The following ZFPM1 variants were observed in gnomAD, a reference collection of about 807,000 sequenced individuals.
ZFPM1 encodes zinc finger protein, FOG family member 1.
In ZFPM1, 28 loss-of-function variants were observed where a neutral mutation model predicts 46.3. The ratio of observed to expected loss-of-function variants is 0.60; its 90% CI spans 0.45 to 0.83. ZFPM1 has a LOEUF of 0.83. ZFPM1 is among the 40% of genes least tolerant of loss of function. ZFPM1 has a pLI of 0.00. For missense variants in ZFPM1, 1,878 were observed against 1,432.4 expected (o/e 1.31, Z -5.02); for synonymous variants, 957 against 675.9 (o/e 1.42, Z -6.45).
At position 88,534,264 on chromosome 16, in the gene ZFPM1, C is replaced by A; in HGVS notation, c.2306C>A (p.Pro769Gln). 2 of 1,094,872 alleles carry A rather than the reference C, an allele frequency of 1.8e-6. No homozygotes were observed. The highest frequency in any genetic ancestry group is 2.2e-6 in the Non-Finnish European group (2 of 904,228). 67.8% of individuals were successfully genotyped at this position (1,094,872 alleles called of 1,614,324 possible). A position where few individuals can be genotyped will look rare whatever the true frequency, so the allele number is the denominator to read the frequency against. ...PPGHAPAPESPRPGSGSGSGP... is the reference protein window; with the variant it reads ...PPGHAPAPESQRPGSGSGSGP... ...GGCCACGCCCCCGCGCCCGAGTCGC[C>A]GCGGCCCGGAAGCGGAAGCGGAAGC... is the stretch of plus-strand genomic sequence containing the variant. Residue 769 changes from proline to glutamine, a missense_variant, in exon 10 of 10, where the codon CCG becomes CAG. Physicochemically the swap from Pro to Gln is moderately conservative, Grantham distance 76. Transcript: ENST00000319555.
rs1037290516 is a variant in ZFPM1, at chr16:88,480,911, G to A, written c.41-5028G>A. The stretch of plus-strand genomic sequence containing the variant: ...GCGCCTCGCCATCAAAGCCGGGAGG[G>A]GCCACCTTAATCGTCGGTGTGGGGA... On this transcript the variant is annotated intron_variant, in intron 1 of 9. Transcript: ENST00000319555. This position sits in a 1 kb window ranked among gnomAD's most constrained non-coding sequence, Gnocchi z 4.9. Among the ~76,000 whole-genome samples, 5 of 152,244 alleles carry A rather than the reference G, an allele frequency of 3.3e-5. No individual in the cohort carries two copies. Among genetic ancestry groups the A allele is most frequent in the African/African-American group, 1.2e-4 (5 of 41,460 alleles).
chr16:88,457,864 C>T (rs1448422118), intron 1 of ZFPM1, among the ~76,000 whole-genome samples: 1 of 152,128 alleles, frequency 6.6e-6, no homozygotes, highest in African/African-American at 2.4e-5. Context: ...AACCTGGACT[C>T]CAGCAGGGTC....
chr16:88,534,620 C>T lies in ZFPM1; in HGVS notation c.2662C>T (p.Pro888Ser). 1 of 1,128,206 alleles carries T rather than the reference C, an allele frequency of 8.9e-7. No individual in the cohort carries two copies. Among genetic ancestry groups the T allele is most frequent in the Non-Finnish European group, 1.1e-6 (1 of 922,800 alleles). The allele number at this position is 1,128,206 out of a possible 1,614,324, so 69.9% of individuals were successfully genotyped here. A position where few individuals can be genotyped will look rare whatever the true frequency, so the allele number is the denominator to read the frequency against. Residue 888 changes from proline (P) to serine (S), a missense_variant, in exon 10 of 10, where the codon CCG (proline) becomes TCG (serine). Transcript: ENST00000319555. ...GLLLGAPLAG[P>S]GVEARTPADR... The stretch of plus-strand genomic sequence containing the variant: ...GCTGCTCGGCGCGCCCCTGGCCGGC[C>T]CGGGGGTCGAGGCCCGGACGCCGGC...
intron 3 of ZFPM1, among the ~76,000 whole-genome samples, chr16:88,495,809 G>A (rs1014256680): frequency 6.6e-6 from 1 of 152,220 alleles, no homozygotes; most frequent in Non-Finnish European, 1.5e-5. Context: ...CCCTTCACCA[G>A]GAGGCGTCTC....
At chr16:88,479,260 C>T (rs1247692315) in intron 1 of ZFPM1, among the ~76,000 whole-genome samples, 1 of 152,148 alleles carries the variant, frequency 6.6e-6, no homozygotes, top group Non-Finnish European at 1.5e-5. Flanking sequence ...CGGGGCTGGG[C>T]TGCTGCTACC....
chr16:88,505,676 T>C (rs1408600317), intron 3 of ZFPM1, among the ~76,000 whole-genome samples: 1 of 152,116 alleles, frequency 6.6e-6, no homozygotes, highest in African/African-American at 2.4e-5. Context: ...CAGCACCCCC[T>C]GCCGTCAGCT....
At chr16:88,527,438 G>A (rs111953729) in intron 5 of ZFPM1, among the ~76,000 whole-genome samples, 17,399 of 152,198 alleles carry the variant, frequency 0.11, 1,428 homozygotes, top group African/African-American at 0.23. Context: ...GATGAAGCGG[G>A]AGGCCCTCTG....
chr16:88,516,029 G>A, intron 4 of ZFPM1: 1 of 397,994 alleles, frequency 2.5e-6, no homozygotes, highest in Non-Finnish European at 4.4e-6. Flanking sequence ...GGAGGGCTCT[G>A]TGAGTTCCAG....
chr16:88,464,751 G>C (rs751746703), intron 1 of ZFPM1, among the ~76,000 whole-genome samples: 4 of 152,206 alleles, frequency 2.6e-5, no homozygotes, highest in Non-Finnish European at 4.4e-5. Context: ...GCGGGCACAG[G>C]TTTCAGCTCC....
intron 3 of ZFPM1, among the ~76,000 whole-genome samples, chr16:88,508,745 C>T (rs572111826): frequency 6.6e-6 from 1 of 152,306 alleles, no homozygotes; most frequent in African/African-American, 2.4e-5. Flanking sequence ...TAGCCTCCCC[C>T]CTCCCCTTCT....
In ZFPM1 at chr16:88,534,813, A is replaced by C; in HGVS notation, c.2855A>C (p.Tyr952Ser). ...CCGCCCCCGCCGGCGCCCCCCTCCT[A>C]CTCGGACAAGGGCGTCCAGACTCCC... ...AVPPPPAPPSYSDKGVQTPSK... is the reference protein window; with the variant it reads ...AVPPPPAPPSSSDKGVQTPSK... Residue 952 changes from tyrosine to serine, a missense_variant, in exon 10 of 10, where the codon TAC (tyrosine) becomes TCC (serine). Coordinates refer to ENST00000319555, the MANE Select transcript of ZFPM1 (RefSeq NM_153813.3). The C allele has an allele frequency of 1.4e-6, 2 of 1,476,410 alleles. No homozygotes were observed. The highest frequency in any genetic ancestry group is 1.3e-5 in the South Asian group (1 of 76,660). The allele number at this position is 1,476,410 out of a possible 1,614,324, so 91.5% of individuals were successfully genotyped here. A position where few individuals can be genotyped will look rare whatever the true frequency, so the allele number is the denominator to read the frequency against.
intron 4 of ZFPM1, chr16:88,516,564 C>T (rs575528066): frequency 1.0e-5 from 4 of 398,664 alleles, no homozygotes; most frequent in East Asian, 7.1e-5. Flanking sequence ...CCCAGCGAGG[C>T]GCTATCTCCG....
chr16:88,533,953 C>A lies in ZFPM1; in HGVS notation c.1995C>A (p.Gly665=). 2.3e-6 allele frequency: 3 copies of A among 1,289,344 alleles called. No individual in the cohort carries two copies. The highest frequency in any genetic ancestry group is 3.0e-6 in the Non-Finnish European group (3 of 998,640). The allele number at this position is 1,289,344 out of a possible 1,614,324, so 79.9% of individuals were successfully genotyped here. ...GCGCGGGCGGCCGGGGCAGCGAGGG[C>A]AGCCAGAGCCCGGGTAGCTCCGTGG... ...EDGAGGRGSE[G]SQSPGSSVDD... The change falls in exon 10 of 10, where the codon GGC becomes GGA. Residue 665 remains glycine, a synonymous_variant. Coordinates refer to ENST00000319555, the MANE Select transcript of ZFPM1 (RefSeq NM_153813.3).
chr16:88,519,110 GTGGATGGATGGATGGA>G (rs543049777), intron 4 of ZFPM1, among the ~76,000 whole-genome samples: 4 of 128,212 alleles, frequency 3.1e-5, no homozygotes, highest in Non-Finnish European at 6.5e-5. Flanking sequence ...GGGTGGATGG[GTGGATGGATGGATGGA>G]TGGGTGGATG....
chr16:88,461,695 G>A (rs1035079389), intron 1 of ZFPM1, among the ~76,000 whole-genome samples: 15 of 152,136 alleles, frequency 9.9e-5, no homozygotes, highest in African/African-American at 3.1e-4. Context: ...GCAGAGTCCC[G>A]CTGGCCCTCC....
chr16:88,472,197 G>A (rs1468268480), intron 1 of ZFPM1, among the ~76,000 whole-genome samples: 9 of 151,848 alleles, frequency 5.9e-5, no homozygotes, highest in Admixed American at 1.3e-4. Flanking sequence ...CTGGAGGCAC[G>A]GTGGTGGGCA....
In ZFPM1 at chr16:88,500,262, C is replaced by T. The variant is rs377456079; in HGVS notation, c.268+11109C>T. ...CCGGCTACTGCCCAGAAGCTTCCCTCCTTGCCCCTCCTGGGCCTGCCGCAT... is the reference window on the plus strand; with the variant it reads ...CCGGCTACTGCCCAGAAGCTTCCCTTCTTGCCCCTCCTGGGCCTGCCGCAT... On this transcript the variant is annotated intron_variant, in intron 3 of 9. Transcript: ENST00000319555. Among the ~76,000 whole-genome samples, 6 of 152,364 alleles carry T rather than the reference C, an allele frequency of 3.9e-5. No individual in the cohort carries two copies. The East Asian group carries it at 1.2e-3, about 29-fold the overall frequency.
In ZFPM1 at chr16:88,536,694, G is replaced by C. The variant is rs902472021; in HGVS notation, c.*1715G>C. The C allele has an allele frequency of 2.0e-5, 3 of 152,286 alleles. No homozygotes were observed. Among genetic ancestry groups the C allele is most frequent in the African/African-American group, 7.2e-5 (3 of 41,450 alleles). 9.4% of individuals were successfully genotyped at this position (152,286 alleles called of 1,614,324 possible). ...CCACCTGCCCACTAGGGTCTGGCCA[G>C]ATGGGGCCCGTAGCCAAGGCCAATG... On this transcript the variant is annotated 3_prime_UTR_variant, in exon 10 of 10. Coordinates refer to ENST00000319555, the MANE Select transcript of ZFPM1 (RefSeq NM_153813.3).
At chr16:88,512,433 C>T (rs936919492) in intron 3 of ZFPM1, among the ~76,000 whole-genome samples, 3 of 152,160 alleles carry the variant, frequency 2.0e-5, no homozygotes, top group African/African-American at 7.2e-5. Context: ...TTCTGGAACC[C>T]GAGGGGAAGG....
Sources: allele counts gnomAD v4.1 joint callset (sites outside exome capture counted in the v4.1 genomes callset), GRCh38; gene constraint gnomAD v4.1.1; non-coding constraint Gnocchi (gnomAD v3.1); transcripts MANE v1.5; gene names NCBI Gene and HGNC (gene_info 2026-07-23, HGNC 2026-07-21).